KIAA1217: variants seen among roughly 807,000 people sequenced by gnomAD.
KIAA1217 encodes sickle tail protein homolog.
Under a neutral mutation model 163.9 loss-of-function variants are expected in KIAA1217, and 88 were observed. The observed-to-expected ratio is 0.54, with a 90% CI of 0.45 to 0.64. KIAA1217 has a LOEUF of 0.64. Among genes scored for constraint, KIAA1217 ranks in the 30% least tolerant of loss-of-function variants. KIAA1217 has a pLI of 0.00. For synonymous variants in KIAA1217, 903 were observed against 923.1 expected, an observed-to-expected ratio of 0.98 and a Z score of 0.39; for missense variants, 2,372 against 2,475.0, an observed-to-expected ratio of 0.96 and a Z score of 0.88.
intron 1 of KIAA1217, among the ~76,000 whole-genome samples, chr10:23,711,591 A>G (rs952725773): frequency 1.3e-5 from 2 of 152,188 alleles, no homozygotes; most frequent in Non-Finnish European, 2.9e-5. Context: ...TACAGCAGCA[A>G]TAGGAAATTA....
At chr10:24,260,650 C>T (rs1032273434) in intron 2 of KIAA1217, among the ~76,000 whole-genome samples, 5 of 148,420 alleles carry the variant, frequency 3.4e-5, no homozygotes, top group Admixed American at 2.0e-4. Context: ...GAAGCTGAGG[C>T]GGGAGGATCA....
At chr10:23,800,629 A>T (rs75332106) in intron 1 of KIAA1217, among the ~76,000 whole-genome samples, 4 of 152,178 alleles carry the variant, frequency 2.6e-5, no homozygotes, top group African/African-American at 9.7e-5. Context: ...CAGATACAGA[A>T]GTGGACACCA....
At chr10:24,320,257 T>G (rs894365824) in intron 2 of KIAA1217, among the ~76,000 whole-genome samples, 1 of 152,210 alleles carries the variant, frequency 6.6e-6, no homozygotes, top group South Asian at 2.1e-4. Flanking sequence ...CATGGAGATC[T>G]GTAGAGGAAA....
chr10:24,156,557 A>G lies in KIAA1217; in HGVS notation c.-170-63069A>G, dbSNP rs186766351. ...CAAGGTAAGCCAGTTCCTAAAGGTAACAAGACTCACCTGCCAACATCACTT... is the reference window on the plus strand; with the variant it reads ...CAAGGTAAGCCAGTTCCTAAAGGTAGCAAGACTCACCTGCCAACATCACTT... On this transcript the variant is annotated intron_variant, in intron 2 of 18. Transcript: ENST00000376462. 1.2e-4 allele frequency among the ~76,000 whole-genome samples: 18 copies of G among 152,282 alleles called. No homozygotes were observed. The East Asian group carries it at 3.3e-3, about 28-fold the overall frequency.
intron 1 of KIAA1217, among the ~76,000 whole-genome samples, chr10:23,945,585 G>A (rs948675085): frequency 8.6e-5 from 13 of 152,044 alleles, no homozygotes; most frequent in African/African-American, 2.7e-4. Flanking sequence ...CACATTTTAC[G>A]TTTAAGATCT....
intron 2 of KIAA1217, among the ~76,000 whole-genome samples, chr10:24,366,475 C>T (rs1244434697): frequency 1.3e-5 from 2 of 152,006 alleles, no homozygotes; most frequent in Non-Finnish European, 2.9e-5. Flanking sequence ...AAAATAAAGT[C>T]AGTGGCATCA....
upstream of KIAA1217, among the ~76,000 whole-genome samples, chr10:24,208,461 T>A (rs1031742339): frequency 2.6e-5 from 4 of 152,008 alleles, no homozygotes; most frequent in African/African-American, 7.3e-5. Context: ...AAACTTTTTT[T>A]TAAAAAGTCC....
chr10:23,954,332 A>C, intron 1 of KIAA1217, among the ~76,000 whole-genome samples: 1 of 152,234 alleles, frequency 6.6e-6, no homozygotes, highest in Non-Finnish European at 1.5e-5. Context: ...TGGGAAGCCA[A>C]GCTGGGTGGA....
intron 1 of KIAA1217, among the ~76,000 whole-genome samples, chr10:23,707,011 T>G (rs1052818612): frequency 6.6e-6 from 1 of 152,208 alleles, no homozygotes; most frequent in Admixed American, 6.5e-5. Context: ...TATACACATA[T>G]TCATTCAGAA....
chr10:24,446,942 G>A lies in KIAA1217; in HGVS notation c.846+8463G>A, dbSNP rs546305802. Among the ~76,000 whole-genome samples the A allele has an allele frequency of 3.9e-5, 6 of 152,210 alleles. No individual in the cohort carries two copies. The South Asian group carries it at 6.2e-4, about 16-fold the overall frequency. On this transcript the variant is annotated intron_variant, in intron 5 of 20. Transcript: ENST00000376454. Reference sequence around the variant, plus strand: ...ATCATGCCTGTGGTCACTACCGTCCGTCCTTTCCCACCACTGTCTTCATCA... The same window carrying A: ...ATCATGCCTGTGGTCACTACCGTCCATCCTTTCCCACCACTGTCTTCATCA...
chr10:24,352,184 A>G (rs2048533838), intron 2 of KIAA1217, among the ~76,000 whole-genome samples: 1 of 152,258 alleles, frequency 6.6e-6, no homozygotes, highest in Non-Finnish European at 1.5e-5. Context: ...ATGAACTCAC[A>G]ATAGTGCTAA....
rs147776840 is a variant in KIAA1217, at chr10:24,352,466, G to A, written c.355-28403G>A. Among the ~76,000 whole-genome samples, 133 of 152,232 alleles carry A rather than the reference G, an allele frequency of 8.7e-4. 1 individual carries two copies. Among genetic ancestry groups the A allele is most frequent in the African/African-American group, 3.0e-3 (126 of 41,522 alleles). On this transcript the variant is annotated intron_variant, in intron 2 of 20. Transcript: ENST00000376454. ...GCTGATCTGCCTATTATAGATTATG[G>A]TGGCCAAAGCACCACCCTTCTATTA... is the stretch of plus-strand genomic sequence containing the variant.
At chr10:24,196,664 G>GT (rs1278846450) in intron 2 of KIAA1217, among the ~76,000 whole-genome samples, 1 of 152,198 alleles carries the variant, frequency 6.6e-6, no homozygotes, top group Non-Finnish European at 1.5e-5. Flanking sequence ...GTTCCTGCTG[G>GT]TGACAGTTGC....
At chr10:24,248,513 A>G (rs2074086488) in intron 2 of KIAA1217, among the ~76,000 whole-genome samples, 1 of 151,948 alleles carries the variant, frequency 6.6e-6, no homozygotes, top group Non-Finnish European at 1.5e-5. Flanking sequence ...TCTACTAAAA[A>G]TATAAAAATT....
At chr10:24,470,355 TC>T (rs2063375356) in intron 5 of KIAA1217, among the ~76,000 whole-genome samples, 1 of 152,292 alleles carries the variant, frequency 6.6e-6, no homozygotes, top group African/African-American at 2.4e-5. Flanking sequence ...TTGGGACTGT[TC>T]CTTCTGGTCT....
intron 1 of KIAA1217, among the ~76,000 whole-genome samples, chr10:23,702,274 G>T (rs1836510611): frequency 6.6e-6 from 1 of 152,170 alleles, no homozygotes. Context: ...GAGGAATTTG[G>T]ACTCCAGTTA....
At chr10:23,811,402 G>A (rs1247056656) in intron 1 of KIAA1217, among the ~76,000 whole-genome samples, 2 of 149,716 alleles carry the variant, frequency 1.3e-5, no homozygotes, top group Non-Finnish European at 3.0e-5. Context: ...GACTGGAGAG[G>A]GAAAAAAGGG....
chr10:24,065,797 A>C (rs922731155), intron 2 of KIAA1217, among the ~76,000 whole-genome samples: 10 of 152,254 alleles, frequency 6.6e-5, no homozygotes, highest in South Asian at 4.1e-4. Context: ...GTAGGTCACT[A>C]AGGACTTGCT....
chr10:24,249,540 T>C (rs946153445), intron 2 of KIAA1217, among the ~76,000 whole-genome samples: 1 of 152,190 alleles, frequency 6.6e-6, no homozygotes, highest in Non-Finnish European at 1.5e-5. Flanking sequence ...ATTTTCTTCC[T>C]GCAAATATTA....
Sources: gnomAD v4.1 joint callset for allele counts (sites outside exome capture counted in the v4.1 genomes callset) on GRCh38, gnomAD v4.1.1 for gene constraint, MANE v1.5 for transcripts, NCBI Gene and HGNC (gene_info 2026-07-23, HGNC 2026-07-21) for gene names.